NUP62CL: variants seen among roughly 807,000 people sequenced by gnomAD.
NUP62CL encodes nucleoporin-62 C-terminal-like protein.
Under a neutral mutation model 15.3 loss-of-function variants are expected in NUP62CL, and 13 were observed. That is an observed-to-expected ratio of 0.85 (90% confidence interval 0.55 to 1.35). The LOEUF is 1.35. Among genes scored for constraint, NUP62CL ranks in the 40% most tolerant of loss-of-function variants. The pLI is 0.00. For synonymous variants in NUP62CL, 54 were observed against 49.2 expected, an observed-to-expected ratio of 1.10 and a Z score of -0.41; for missense variants, 123 against 130.6, an observed-to-expected ratio of 0.94 and a Z score of 0.28.
chrX:107,154,286 C>G (rs1926121720), intron 4 of NUP62CL, 40 bp from the exon 5 acceptor site: 2 of 1,083,785 alleles, frequency 1.8e-6, no homozygotes, highest in Non-Finnish European at 2.5e-6. Context: ...AATAATCATA[C>G]TTTAAAAAGT....
intron 8 of NUP62CL, among the ~76,000 whole-genome samples, chrX:107,138,247 G>A (rs967099800): frequency 1.8e-5 from 2 of 111,270 alleles, no homozygotes; most frequent in African/African-American, 6.5e-5. Context: ...TTGGGGATAT[G>A]GGGCTAGGCA....
At chrX:107,175,667 T>C (rs1926765654) in intron 2 of NUP62CL, among the ~76,000 whole-genome samples, 1 of 111,898 alleles carries the variant, frequency 8.9e-6, no homozygotes, top group African/African-American at 3.3e-5. Context: ...CAATGGCATA[T>C]GAGCCACAAG....
At chrX:107,128,690 A>C (rs1309724480) in intron 8 of NUP62CL, among the ~76,000 whole-genome samples, 1 of 111,690 alleles carries the variant, frequency 9.0e-6, no homozygotes, top group Admixed American at 9.5e-5. Context: ...TTGACATGGG[A>C]GCAGCTACCA....
intron 4 of NUP62CL, among the ~76,000 whole-genome samples, chrX:107,158,167 C>T (rs1360849833): frequency 3.1e-5 from 2 of 64,883 alleles, no homozygotes; most frequent in Non-Finnish European, 5.5e-5. Context: ...TAGACTCCCA[C>T]ACATTAATAA....
intron 3 of NUP62CL, among the ~76,000 whole-genome samples, chrX:107,174,037 T>TTCTC (rs747292732): frequency 1.0e-5 from 1 of 98,021 alleles, no homozygotes; most frequent in African/African-American, 3.9e-5. Context: ...TTTTCTTTCT[T>TTCTC]TCTCTCTCTC....
At chrX:107,148,825 C>T (rs1369173379) in intron 7 of NUP62CL, among the ~76,000 whole-genome samples, 2 of 111,372 alleles carry the variant, frequency 1.8e-5, no homozygotes, top group Admixed American at 1.9e-4. Flanking sequence ...ATCTCATCAC[C>T]GTGAATACTG....
At chrX:107,189,411 A>G (rs1950170437) in intron 2 of NUP62CL, among the ~76,000 whole-genome samples, 2 of 111,077 alleles carry the variant, frequency 1.8e-5, no homozygotes, top group Non-Finnish European at 3.8e-5. Context: ...AAATACAAAT[A>G]TCCATTCATA....
At chrX:107,173,427 T>C (rs1236685696) in intron 3 of NUP62CL, among the ~76,000 whole-genome samples, 1 of 112,379 alleles carries the variant, frequency 8.9e-6, no homozygotes, top group East Asian at 2.8e-4. Flanking sequence ...AATTTTATGA[T>C]GTGTAAGTTA....
At chrX:107,182,122 T>C (rs1926933483) in intron 2 of NUP62CL, among the ~76,000 whole-genome samples, 1 of 112,593 alleles carries the variant, frequency 8.9e-6, no homozygotes, top group Non-Finnish European at 1.9e-5. Flanking sequence ...CCACTTAATA[T>C]GATTTGCTTT....
At chrX:107,133,462 G>A (rs1925567428) in intron 8 of NUP62CL, among the ~76,000 whole-genome samples, 1 of 111,193 alleles carries the variant, frequency 9.0e-6, no homozygotes, top group East Asian at 2.8e-4. Context: ...AGCCTCCTGA[G>A]TGGGTGGGAC....
chrX:107,174,087 C>T (rs1320536112), intron 3 of NUP62CL, among the ~76,000 whole-genome samples: 2 of 82,534 alleles, frequency 2.4e-5, no homozygotes, highest in African/African-American at 4.5e-5. Context: ...CTCTCCCTCC[C>T]TCCCTTTCTC....
intron 8 of NUP62CL, among the ~76,000 whole-genome samples, chrX:107,136,713 T>C (rs1925647202): frequency 8.9e-6 from 1 of 112,339 alleles, no homozygotes. Flanking sequence ...TAAAAGGAAT[T>C]ATAAACCCTG....
At position 107,124,910 on chromosome X, in the gene NUP62CL, C is replaced by T. The variant is rs777019453; in HGVS notation, c.*43-578G>A. ...ATTAACATGCACAAATAAACTTTGTCATTTCTTTTAGTGTTCATTAATGGT... is the reference window on the plus strand; with the variant it reads ...ATTAACATGCACAAATAAACTTTGTTATTTCTTTTAGTGTTCATTAATGGT... On this transcript the variant is annotated intron_variant, in intron 8 of 8. Transcript: ENST00000372466. Among the ~76,000 whole-genome samples, 3 of 111,802 alleles carry T rather than the reference C, an allele frequency of 2.7e-5. No individual in the cohort carries two copies. The East Asian group carries it at 8.4e-4, about 31-fold the overall frequency.
In NUP62CL at chrX:107,124,150, G is replaced by C. The variant is rs1925331166; in HGVS notation, c.*225C>G. The C allele has an allele frequency of 3.5e-6, 1 of 284,031 alleles. No homozygotes were observed. Among genetic ancestry groups the C allele is most frequent in the African/African-American group, 2.9e-5 (1 of 34,768 alleles). 23.4% of individuals were successfully genotyped at this position (284,031 alleles called of 1,213,427 possible). ...AGGATGCACAATTCATTATGATCAA[G>C]ATGAAATATTAAGTATAAATACTAC... is the stretch of plus-strand genomic sequence containing the variant. On this transcript the variant is annotated 3_prime_UTR_variant, in exon 9 of 9. Coordinates refer to ENST00000372466, the MANE Select transcript of NUP62CL (RefSeq NM_017681.3).
chrX:107,180,153 G>T (rs1160954160), intron 2 of NUP62CL, among the ~76,000 whole-genome samples: 2 of 112,214 alleles, frequency 1.8e-5, no homozygotes, highest in Non-Finnish European at 1.9e-5. Flanking sequence ...AACACACTCT[G>T]TTAAGGACAC....
chrX:107,186,615 C>T (rs1569364946), intron 2 of NUP62CL, among the ~76,000 whole-genome samples: 1 of 111,557 alleles, frequency 9.0e-6, no homozygotes, highest in African/African-American at 3.3e-5. Context: ...ACATACTTTT[C>T]GAGCGGGGCG....
At chrX:107,196,071 G>T (rs1174052399) in intron 1 of NUP62CL, among the ~76,000 whole-genome samples, 1 of 110,974 alleles carries the variant, frequency 9.0e-6, no homozygotes, top group African/African-American at 3.3e-5. Flanking sequence ...TCAAAAGGTG[G>T]ATTTTTTTTC....
In NUP62CL at chrX:107,202,174, T is replaced by A. The variant is rs1383735358; in HGVS notation, c.-92+4099A>T. Among the ~76,000 whole-genome samples the A allele has an allele frequency of 7.2e-5, 8 of 111,754 alleles. No individual in the cohort carries two copies. The East Asian group carries it at 2.0e-3, about 27-fold the overall frequency. On this transcript the variant is annotated intron_variant, in intron 1 of 8. Coordinates refer to ENST00000372466, the MANE Select transcript of NUP62CL (RefSeq NM_017681.3). ...TTAGTTCTTTAAAAAGATCAACACC[T>A]TAAAGAAAATGTGGCAAAATTATAA...
chrX:107,175,440 A>G (rs1194085509), intron 2 of NUP62CL, among the ~76,000 whole-genome samples: 2 of 111,762 alleles, frequency 1.8e-5, no homozygotes, highest in Admixed American at 1.9e-4. Context: ...CTGAAAAAGA[A>G]GTCCTAAGAG....
Sources: allele counts gnomAD v4.1 joint callset (sites outside exome capture counted in the v4.1 genomes callset), GRCh38; gene constraint gnomAD v4.1.1; transcripts MANE v1.5; gene names NCBI Gene and HGNC (gene_info 2026-07-23, HGNC 2026-07-21).